Variants in MNAT1 observed in about 807,000 individuals in gnomAD.
The protein encoded by MNAT1 is MNAT1 component of CDK activating kinase, also known as CDK-activating kinase assembly factor MAT1.
In MNAT1, 43 loss-of-function variants were observed where a neutral mutation model predicts 42.0. The ratio of observed to expected loss-of-function variants is 1.02; its 90% CI spans 0.80 to 1.32. The LOEUF is 1.32. Among genes scored for constraint, MNAT1 ranks in the 40% most tolerant of loss-of-function variants. The pLI, the probability that MNAT1 is intolerant of heterozygous loss-of-function variation, is 0.00. For synonymous variants in MNAT1, 118 were observed against 120.0 expected (o/e 0.98, Z 0.11); for missense variants, 306 against 350.4 (o/e 0.87, Z 1.01).
At chr14:60,764,277 A>G (rs891758597) in intron 1 of MNAT1, among the ~76,000 whole-genome samples, 2 of 152,216 alleles carry the variant, frequency 1.3e-5, no homozygotes, top group African/African-American at 4.8e-5. Context: ...GGGGTTATAT[A>G]CTTATGTACT....
At chr14:60,776,830 T>G (rs1285119312) in intron 1 of MNAT1, among the ~76,000 whole-genome samples, 2 of 152,128 alleles carry the variant, frequency 1.3e-5, no homozygotes, top group East Asian at 1.9e-4. Flanking sequence ...TGGTTTTTTT[T>G]GTTGTTGTTT....
At chr14:60,839,515 A>G (rs1223488634) in intron 6 of MNAT1, among the ~76,000 whole-genome samples, 1 of 152,206 alleles carries the variant, frequency 6.6e-6, no homozygotes, top group Admixed American at 6.5e-5. Context: ...GACCAGGTGA[A>G]TGGCGGGACT....
chr14:60,904,375 TTTTG>T (rs988582544), intron 7 of MNAT1, among the ~76,000 whole-genome samples: 1 of 152,216 alleles, frequency 6.6e-6, no homozygotes, highest in African/African-American at 2.4e-5. Context: ...GTATTTGTTT[TTTTG>T]TTTGTTTGTT....
chr14:60,747,654 G>GATATTACT lies in MNAT1; in HGVS notation c.89+12707_89+12714dup, dbSNP rs1463621228. On this transcript the variant is annotated intron_variant, in intron 1 of 7. Coordinates refer to ENST00000261245, the MANE Select transcript of MNAT1 (RefSeq NM_002431.4). The stretch of plus-strand genomic sequence containing the variant: ...GTAGTGAGTGAATGTTAAGGCCTAG[G>GATATTACT]ATATTACTATACACTACTGTAGACA... Among the ~76,000 whole-genome samples the GATATTACT allele has an allele frequency of 2.6e-5, 4 of 152,150 alleles. No homozygotes were observed. The East Asian group carries it at 5.8e-4, about 22-fold the overall frequency.
chr14:60,810,162 C>T (rs1033628090), intron 4 of MNAT1, among the ~76,000 whole-genome samples: 5 of 152,036 alleles, frequency 3.3e-5, no homozygotes, highest in Admixed American at 3.3e-4. Flanking sequence ...TCATAGTAGT[C>T]TCTTATGATC....
chr14:60,855,185 G>A (rs891002100), intron 6 of MNAT1, among the ~76,000 whole-genome samples: 12 of 152,120 alleles, frequency 7.9e-5, no homozygotes, highest in African/African-American at 2.9e-4. Context: ...ACTGACCTAG[G>A]TTGACTTCAC....
intron 6 of MNAT1, among the ~76,000 whole-genome samples, chr14:60,827,230 G>A (rs1318114718): frequency 6.6e-6 from 1 of 152,110 alleles, no homozygotes; most frequent in East Asian, 1.9e-4. Context: ...GGTTTGGGGA[G>A]TAGTATGGAG....
At chr14:60,750,288 G>A (rs1366160577) in intron 1 of MNAT1, among the ~76,000 whole-genome samples, 1 of 150,806 alleles carries the variant, frequency 6.6e-6, no homozygotes, top group Non-Finnish European at 1.5e-5. Flanking sequence ...GTGCAGTGGC[G>A]CGATCTCGGC....
chr14:60,796,761 A>G (rs1170203741), intron 2 of MNAT1, among the ~76,000 whole-genome samples: 1 of 152,180 alleles, frequency 6.6e-6, no homozygotes, highest in African/African-American at 2.4e-5. Flanking sequence ...AAAAAGACAA[A>G]AAAACAAGTA....
chr14:60,818,960 C>T (rs928284372), intron 6 of MNAT1, 113 bp downstream of exon 6: 2 of 1,227,688 alleles, frequency 1.6e-6, no homozygotes, highest in African/African-American at 1.5e-5. Flanking sequence ...AGAACAGTGT[C>T]TGATCTAGTT....
At chr14:60,950,529 C>G (rs2036361090) in intron 7 of MNAT1, among the ~76,000 whole-genome samples, 1 of 152,176 alleles carries the variant, frequency 6.6e-6, no homozygotes, top group African/African-American at 2.4e-5. Flanking sequence ...CCACATGCAG[C>G]CCAGGACAGC....
chr14:60,804,096 A>T (rs188827559), intron 3 of MNAT1, among the ~76,000 whole-genome samples: 1 of 152,348 alleles, frequency 6.6e-6, no homozygotes, highest in East Asian at 1.9e-4. Context: ...TAAGGGCTTT[A>T]ATTATAAATT....
intron 7 of MNAT1, among the ~76,000 whole-genome samples, chr14:60,939,806 T>G (rs182977297): frequency 6.6e-6 from 1 of 152,200 alleles, no homozygotes. Context: ...TCTGTCTCGT[T>G]GATCTGTCTA....
intron 7 of MNAT1, among the ~76,000 whole-genome samples, chr14:60,928,060 A>G (rs1166478616): frequency 6.6e-6 from 1 of 152,204 alleles, no homozygotes; most frequent in African/African-American, 2.4e-5. Context: ...TTGGGCAACC[A>G]CTTAGCTCTT....
rs2033772188 is a variant in MNAT1 at position 60,849,681 on chromosome 14, G to A, written c.688-30033G>A. ...GATCACTAAGCACAGGTGGACAGTG[G>A]AAATCAGAGTGAGAGTATATGGCTG... On this transcript the variant is annotated intron_variant, in intron 6 of 7. Transcript: ENST00000261245. Among the ~76,000 whole-genome samples, 4 of 152,072 alleles carry A rather than the reference G, an allele frequency of 2.6e-5. No homozygotes were observed. In the South Asian group the frequency reaches 8.3e-4, roughly 32 times the overall value.
intron 7 of MNAT1, among the ~76,000 whole-genome samples, chr14:60,893,453 T>G (rs893066752): frequency 6.6e-6 from 1 of 152,186 alleles, no homozygotes; most frequent in African/African-American, 2.4e-5. Context: ...ATACATTTGT[T>G]TTCCTGTTTG....
chr14:60,840,878 T>C (rs867295723), intron 6 of MNAT1, among the ~76,000 whole-genome samples: 26 of 152,244 alleles, frequency 1.7e-4, no homozygotes, highest in Admixed American at 3.9e-4. Context: ...TTAGCCAGGA[T>C]GGTTTTGATT....
chr14:60,857,459 A>G (rs1204080346), intron 6 of MNAT1, among the ~76,000 whole-genome samples: 1 of 152,210 alleles, frequency 6.6e-6, no homozygotes, highest in African/African-American at 2.4e-5. Context: ...AGGGATGAGC[A>G]AAGAAAGTGG....
intron 6 of MNAT1, among the ~76,000 whole-genome samples, chr14:60,874,981 A>G (rs1385314360): frequency 6.6e-6 from 1 of 152,048 alleles, no homozygotes. Context: ...CATGGCATCT[A>G]TCTCATGAGT....
Sources: allele counts gnomAD v4.1 joint callset (sites outside exome capture counted in the v4.1 genomes callset), GRCh38; gene constraint gnomAD v4.1.1; transcripts MANE v1.5; gene names NCBI Gene and HGNC (gene_info 2026-07-23, HGNC 2026-07-21).